The following USP43 variants were observed in gnomAD, a reference collection of about 807,000 sequenced individuals.
USP43 encodes ubiquitin specific peptidase 43, also known as ubiquitin carboxyl-terminal hydrolase 43.
Under a neutral mutation model 90.7 loss-of-function variants are expected in USP43, and 33 were observed. The observed-to-expected ratio is 0.36, with a 90% CI of 0.28 to 0.49. The LOEUF is 0.49. Among genes scored for constraint, USP43 ranks in the 20% least tolerant of loss-of-function variants. The probability of loss-of-function intolerance (pLI) is 0.98; values close to 1 mark genes in which losing one functional copy is unlikely to be tolerated. For missense variants in USP43, 1,274 were observed against 1,476.4 expected, an observed-to-expected ratio of 0.86 and a Z score of 2.25; for synonymous variants, 598 against 615.8, an observed-to-expected ratio of 0.97 and a Z score of 0.43.
At position 9,686,895 on chromosome 17, in the gene USP43, G is replaced by A. The variant is rs748065020; in HGVS notation, c.1339G>A (p.Glu447Lys). 3.1e-6 allele frequency: 5 copies of A among 1,613,536 alleles called. No homozygotes were observed. The East Asian group carries it at 1.1e-4, about 36-fold the overall frequency. Residue 447 changes from glutamate (E) to lysine (K), a missense_variant, in exon 8 of 15, where the codon GAG (glutamate) becomes AAG (lysine). This residue lies in a region of USP43 where 253 missense variants were observed against 276.0 expected (regional missense o/e 0.92). Transcript: ENST00000285199. The surrounding 1 kb of genome is among the most constrained non-coding windows in gnomAD (Gnocchi z 5.5). The stretch of plus-strand genomic sequence containing the variant: ...CAAGGTCCGCCATCTTATGAAGAGT[G>A]AGGCCCCTGTACAGGTCAGTGGTGT... Reference protein sequence around the residue: ...LSKVRHLMKSEAPVQNLGSLF... With the variant: ...LSKVRHLMKSKAPVQNLGSLF...
intron 12 of USP43, among the ~76,000 whole-genome samples, chr17:9,705,248 C>T (rs1262011844): frequency 1.3e-5 from 2 of 149,378 alleles, no homozygotes; most frequent in African/African-American, 4.9e-5. Flanking sequence ...TCCTTCCCAC[C>T]CCCTAATTTA....
chr17:9,694,420 G>A (rs1303083786), intron 9 of USP43, among the ~76,000 whole-genome samples: 1 of 152,206 alleles, frequency 6.6e-6, no homozygotes, highest in Non-Finnish European at 1.5e-5. Context: ...ATAACCCAAA[G>A]TGGTTCTGTA....
Position 9,701,820 on chromosome 17 carries a change from C to T in USP43, c.2011+120C>T. 1 of 814,816 alleles carries T rather than the reference C, an allele frequency of 1.2e-6. No homozygotes were observed. The highest frequency in any genetic ancestry group is 1.9e-6 in the Non-Finnish European group (1 of 539,444). The allele number at this position is 814,816 out of a possible 1,614,324, so 50.5% of individuals were successfully genotyped here. A position where few individuals can be genotyped will look rare whatever the true frequency, so the allele number is the denominator to read the frequency against. ...GCACTTATTGAGATCCGACCCCTCA[C>T]CCACCGCACACCAGGAAGATGAGGA... On this transcript the variant is annotated intron_variant, in intron 12 of 14. Coordinates refer to ENST00000285199, the MANE Select transcript of USP43 (RefSeq NM_153210.5). The surrounding 1 kb of genome is among the most constrained non-coding windows in gnomAD (Gnocchi z 7.2).
intron 1 of USP43, among the ~76,000 whole-genome samples, chr17:9,652,221 AAAAAAAAAG>A (rs1382519588): frequency 6.6e-6 from 1 of 151,272 alleles, no homozygotes; most frequent in African/African-American, 2.4e-5. Context: ...GCAAAAAAAA[AAAAAAAAAG>A]AAAAGAAAAG....
intron 5 of USP43, among the ~76,000 whole-genome samples, chr17:9,679,438 C>T (rs1914010964): frequency 6.7e-6 from 1 of 150,168 alleles, no homozygotes; most frequent in Admixed American, 6.7e-5. Flanking sequence ...CTCCTGGGCT[C>T]AAGTGACCCT....
intron 14 of USP43, among the ~76,000 whole-genome samples, chr17:9,720,140 A>G (rs1916854067): frequency 1.3e-5 from 2 of 151,854 alleles, no homozygotes; most frequent in Non-Finnish European, 2.9e-5. Flanking sequence ...AGCTTGGCCA[A>G]TGTGGTGAAA....
In USP43 at chr17:9,728,506, G is replaced by A. The variant is rs1567689375; in HGVS notation, c.2888G>A (p.Ser963Asn). 6 of 1,613,872 alleles carry A rather than the reference G, an allele frequency of 3.7e-6. No homozygotes were observed. Among genetic ancestry groups the A allele is most frequent in the Non-Finnish European group, 5.1e-6 (6 of 1,179,852 alleles). Residue 963 changes from serine (S) to asparagine (N), a missense_variant, in exon 15 of 15, where the codon AGC becomes AAC. Ser to Asn is a conservative substitution (Grantham distance 46). This residue lies in a region of USP43 where 353 missense variants were observed against 329.7 expected (regional missense o/e 1.07). Coordinates refer to ENST00000285199, the MANE Select transcript of USP43 (RefSeq NM_153210.5). This position sits in a 1 kb window ranked among gnomAD's most constrained non-coding sequence, Gnocchi z 6.2. ...MNWKESFQMG[S>N]KSSPPSPYMG... ...TGGAAGGAGAGCTTCCAGATGGGAAGCAAAAGCAGCCCACCCTCCCCCTAT... is the reference window on the plus strand; with the variant it reads ...TGGAAGGAGAGCTTCCAGATGGGAAACAAAAGCAGCCCACCCTCCCCCTAT...
intron 6 of USP43, among the ~76,000 whole-genome samples, chr17:9,682,505 G>T (rs1394735226): frequency 2.0e-5 from 3 of 152,246 alleles, no homozygotes; most frequent in African/African-American, 7.2e-5. Flanking sequence ...GGAAGGTAGA[G>T]TTTGCAGTGA....
At chr17:9,711,876 G>A in intron 13 of USP43, 92 bp from the exon 14 acceptor site, 1 of 1,363,364 alleles carries the variant, frequency 7.3e-7, no homozygotes, top group Non-Finnish European at 9.6e-7. Context: ...TGAAGGATGG[G>A]GCCGGAATGG....
intron 8 of USP43, among the ~76,000 whole-genome samples, chr17:9,691,366 C>T (rs1207869195): frequency 6.6e-6 from 1 of 152,100 alleles, no homozygotes; most frequent in East Asian, 1.9e-4. Context: ...GATCCATCTG[C>T]CTCAGCCTCC....
chr17:9,694,832 C>T (rs1279188897), intron 9 of USP43, among the ~76,000 whole-genome samples: 1 of 152,148 alleles, frequency 6.6e-6, no homozygotes, highest in Non-Finnish European at 1.5e-5. Context: ...TCATGTTGGT[C>T]AGGCTGGTCT....
intron 1 of USP43, among the ~76,000 whole-genome samples, chr17:9,651,617 T>TATGAAATCATATCATATGAA (rs1274966744): frequency 6.6e-6 from 1 of 152,244 alleles, no homozygotes; most frequent in Non-Finnish European, 1.5e-5. Context: ...GACATTATGA[T>TATGAAATCATATCATATGAA]AAATATTTGA....
chr17:9,655,084 GA>G (rs57985388), intron 1 of USP43, among the ~76,000 whole-genome samples: 3,988 of 37,236 alleles, frequency 0.11, 54 homozygotes, highest in Non-Finnish European at 0.14. Context: ...AGAAAGAAAG[GA>G]AAAAAAAAAA....
chr17:9,665,616 G>A (rs980176636), intron 2 of USP43, among the ~76,000 whole-genome samples: 3 of 152,188 alleles, frequency 2.0e-5, no homozygotes, highest in African/African-American at 4.8e-5. Context: ...TTGAAGATGA[G>A]ATTTGGGTAG....
chr17:9,671,528 A>G (rs1010997175), intron 3 of USP43, among the ~76,000 whole-genome samples: 3 of 152,240 alleles, frequency 2.0e-5, no homozygotes, highest in Admixed American at 2.0e-4. Context: ...GCAGAGTGAC[A>G]AGAAATTCAG....
intron 2 of USP43, among the ~76,000 whole-genome samples, chr17:9,662,790 A>G (rs1302008030): frequency 6.6e-6 from 1 of 150,388 alleles, no homozygotes; most frequent in African/African-American, 2.5e-5. Flanking sequence ...TGTACCAGAC[A>G]TGTTTCTAAG....
At chr17:9,713,119 C>T (rs563417801) in intron 14 of USP43, among the ~76,000 whole-genome samples, 103 of 152,116 alleles carry the variant, frequency 6.8e-4, no homozygotes, top group Admixed American at 1.3e-3. Flanking sequence ...GAGACAGAGT[C>T]TCACTCTGTC....
chr17:9,714,658 G>T (rs200477065), intron 14 of USP43, among the ~76,000 whole-genome samples: 8,726 of 147,966 alleles, frequency 0.059, 391 homozygotes, highest in African/African-American at 0.12. Flanking sequence ...ACTCCAGCCT[G>T]GGCAACAGAG....
chr17:9,718,223 GA>G (rs1916717322), intron 14 of USP43, among the ~76,000 whole-genome samples: 2 of 152,144 alleles, frequency 1.3e-5, no homozygotes, highest in African/African-American at 4.8e-5. Flanking sequence ...TAGTCTACGG[GA>G]AAATTGGTTT....
Sources: allele counts gnomAD v4.1 joint callset (sites outside exome capture counted in the v4.1 genomes callset), GRCh38; gene constraint gnomAD v4.1.1; regional missense constraint gnomAD v4.1.1; non-coding constraint Gnocchi (gnomAD v3.1); transcripts MANE v1.5; gene names NCBI Gene and HGNC (gene_info 2026-07-23, HGNC 2026-07-21).